The following ENAH variants were observed in gnomAD, a reference collection of about 807,000 sequenced individuals.
The protein encoded by ENAH is ENAH actin regulator.
A neutral mutation model predicts 78.7 loss-of-function variants in ENAH; 23 were observed. The observed-to-expected ratio is 0.29, with a 90% CI of 0.21 to 0.41. The LOEUF (loss-of-function observed/expected upper bound fraction) is 0.41, where lower values mean the gene tolerates loss of function less well. ENAH is among the 10% of genes least tolerant of loss of function. The pLI, the probability that ENAH is intolerant of heterozygous loss-of-function variation, is 1.00. For synonymous variants in ENAH, 226 were observed against 241.0 expected (o/e 0.94, Z 0.58); for missense variants, 544 against 691.0 (o/e 0.79, Z 2.39).
intron 3 of ENAH, among the ~76,000 whole-genome samples, chr1:225,539,940 A>G (rs2096581468): frequency 6.6e-6 from 1 of 152,108 alleles, no homozygotes; most frequent in African/African-American, 2.4e-5. Flanking sequence ...TTGGAATCTC[A>G]CTTCCTACTT....
intron 1 of ENAH, among the ~76,000 whole-genome samples, chr1:225,604,092 A>G (rs929316547): frequency 6.6e-6 from 1 of 152,230 alleles, no homozygotes; most frequent in Non-Finnish European, 1.5e-5. Context: ...TATGCCAAAG[A>G]ATCTTTAATA....
chr1:225,568,288 T>G (rs1212267826), intron 1 of ENAH, among the ~76,000 whole-genome samples: 1 of 152,120 alleles, frequency 6.6e-6, no homozygotes. Flanking sequence ...CCCAGCACTT[T>G]GGGAAGCCAA....
At chr1:225,548,847 A>T (rs1575487835) in intron 3 of ENAH, among the ~76,000 whole-genome samples, 1 of 139,360 alleles carries the variant, frequency 7.2e-6, no homozygotes, top group South Asian at 2.3e-4. Flanking sequence ...TAGTGAACAG[A>T]TTTTTTTTTT....
At chr1:225,520,613 TTTGGGAGGCTGA>T (rs1298149801) in intron 4 of ENAH, among the ~76,000 whole-genome samples, 4 of 152,090 alleles carry the variant, frequency 2.6e-5, no homozygotes, top group African/African-American at 9.6e-5. Flanking sequence ...ATCCTAGCAC[TTTGGGAGGCTGA>T]GTGGGAGGAT....
At chr1:225,522,042 G>A (rs1000323496) in intron 4 of ENAH, among the ~76,000 whole-genome samples, 9 of 152,180 alleles carry the variant, frequency 5.9e-5, no homozygotes, top group African/African-American at 1.4e-4. Flanking sequence ...TGATCCACCC[G>A]CCTTGGCCTC....
rs763804732 is a variant in ENAH, at chr1:225,519,385, CTCCAGGCGTTCCTGCCGT to C, written c.597_614del (p.Glu217_Leu222del). On this transcript the variant is annotated inframe_deletion, in exon 5 of 14. Transcript: ENST00000366843. ...CCTGCCGCTCCAGGCGTTCCTGCCG[CTCCAGGCGTTCCTGCCGT>C]TCCCGTTCTTGTCTCTCTCTCTCCA... 15 of 1,543,944 alleles carry C rather than the reference CTCCAGGCGTTCCTGCCGT, an allele frequency of 9.7e-6. No individual in the cohort carries two copies. In the African/African-American group the frequency reaches 1.4e-4, roughly 14 times the overall value.
At chr1:225,639,743 C>CA (rs397936452) in intron 1 of ENAH, among the ~76,000 whole-genome samples, 4 of 132,192 alleles carry the variant, frequency 3.0e-5, no homozygotes, top group Admixed American at 6.9e-5. Context: ...CACACACACA[C>CA]AAGAAGGATG....
At chr1:225,515,677 T>C (rs920294935) in intron 6 of ENAH, among the ~76,000 whole-genome samples, 1 of 152,222 alleles carries the variant, frequency 6.6e-6, no homozygotes, top group South Asian at 2.1e-4. Context: ...CTCTTTTAGT[T>C]AAGGTTTAAG....
chr1:225,625,367 G>T (rs1229210707), intron 1 of ENAH, among the ~76,000 whole-genome samples: 1 of 152,152 alleles, frequency 6.6e-6, no homozygotes, highest in Non-Finnish European at 1.5e-5. Context: ...ATGAGATGTT[G>T]TCTTACCAAT....
chr1:225,530,592 T>C lies in ENAH; in HGVS notation c.396A>G (p.Gln132=). 1.2e-6 allele frequency: 2 copies of C among 1,613,678 alleles called. No individual in the cohort carries two copies. The highest frequency in any genetic ancestry group is 1.1e-5 in the South Asian group (1 of 91,066). The change falls in exon 4 of 14, where the codon CAA becomes CAG. Residue 132 remains glutamine, a synonymous_variant. Transcript: ENST00000366843. ...RQNSQLPAQV[Q]NGPSQEELEI... ...CCAATTCTTCTTGGGATGGGCCATT[T>C]TGAACTTGAGCAGGTAGTTGTGAGT...
intron 1 of ENAH, among the ~76,000 whole-genome samples, chr1:225,590,793 T>G (rs1336623940): frequency 6.6e-6 from 1 of 152,132 alleles, no homozygotes; most frequent in Non-Finnish European, 1.5e-5. Flanking sequence ...ATTCTTTCTT[T>G]CCTAGATTAC....
chr1:225,575,847 G>T (rs1046085689), intron 1 of ENAH, among the ~76,000 whole-genome samples: 3 of 152,180 alleles, frequency 2.0e-5, no homozygotes, highest in African/African-American at 7.2e-5. Flanking sequence ...CTGAAAAGTG[G>T]TGAGAGATAC....
chr1:225,520,195 T>C (rs2096456150), intron 4 of ENAH, among the ~76,000 whole-genome samples: 1 of 151,598 alleles, frequency 6.6e-6, no homozygotes, highest in Non-Finnish European at 1.5e-5. Context: ...CTTGGGAGGC[T>C]GAGGCAGGAG....
chr1:225,539,798 CCTTCTA>C (rs2096580587), intron 3 of ENAH, among the ~76,000 whole-genome samples: 1 of 152,134 alleles, frequency 6.6e-6, no homozygotes, highest in South Asian at 2.1e-4. Flanking sequence ...CATGCATGTG[CCTTCTA>C]CTTCTAATAT....
intron 4 of ENAH, among the ~76,000 whole-genome samples, chr1:225,529,298 C>T (rs537802124): frequency 3.3e-5 from 5 of 152,288 alleles, no homozygotes; most frequent in African/African-American, 1.2e-4. Flanking sequence ...CTTGTTTTCC[C>T]ATGTACACAC....
chr1:225,649,648 AT>A (rs1010148120), intron 1 of ENAH, among the ~76,000 whole-genome samples: 8 of 152,140 alleles, frequency 5.3e-5, no homozygotes, highest in African/African-American at 1.9e-4. Flanking sequence ...ATGCTTTTTC[AT>A]TTTTTAAATA....
chr1:225,499,311 T>G (rs1480779556), intron 12 of ENAH, among the ~76,000 whole-genome samples: 1 of 151,188 alleles, frequency 6.6e-6, no homozygotes, highest in Non-Finnish European at 1.5e-5. Context: ...CTAGAAAAAT[T>G]TTAAAATATA....
chr1:225,637,189 A>AT (rs907820631), intron 1 of ENAH, among the ~76,000 whole-genome samples: 34 of 149,872 alleles, frequency 2.3e-4, no homozygotes, highest in South Asian at 6.4e-4. Context: ...TCTTCAGTAG[A>AT]TTTTTTTTTT....
intron 11 of ENAH, among the ~76,000 whole-genome samples, chr1:225,503,731 C>A (rs1054016323): frequency 8.8e-5 from 13 of 147,260 alleles, no homozygotes; most frequent in Admixed American, 1.4e-4. Flanking sequence ...ATTTAACTGG[C>A]TGACAAAATT....
Sources: allele counts gnomAD v4.1 joint callset (sites outside exome capture counted in the v4.1 genomes callset), GRCh38; gene constraint gnomAD v4.1.1; transcripts MANE v1.5; gene names NCBI Gene and HGNC (gene_info 2026-07-23, HGNC 2026-07-21).